Variants in CACNA1A observed in about 807,000 individuals in gnomAD.
The protein encoded by CACNA1A is calcium voltage-gated channel subunit alpha1 A, also known as voltage-dependent P/Q-type calcium channel subunit alpha-1A.
CACNA1A carries 57 observed loss-of-function variants against 262.4 expected under a neutral mutation model. That is an observed-to-expected ratio of 0.22 (90% CI 0.18 to 0.27). The LOEUF (loss-of-function observed/expected upper bound fraction) is 0.27. CACNA1A is among the 10% of genes least tolerant of loss of function. CACNA1A has a pLI of 1.00. For synonymous variants in CACNA1A, 1,431 were observed against 1,419.3 expected (o/e 1.01, Z -0.18); for missense variants, 2,526 against 3,562.8 (o/e 0.71, Z 7.41).
intron 43 of CACNA1A, chr19:13,211,777 C>T (rs1486223728): frequency 6.4e-6 from 2 of 313,616 alleles, no homozygotes; most frequent in South Asian, 4.5e-5. Context: ...CCTGTTGAAC[C>T]CTGCTGCACC....
intron 3 of CACNA1A, among the ~76,000 whole-genome samples, chr19:13,402,819 TAC>T (rs1412405375): frequency 3.0e-5 from 4 of 134,652 alleles, no homozygotes; most frequent in Non-Finnish European, 4.7e-5. Flanking sequence ...TATACATATA[TAC>T]ACACATATAT....
intron 9 of CACNA1A, among the ~76,000 whole-genome samples, chr19:13,330,938 C>T (rs10425589): frequency 0.21 from 31,849 of 151,952 alleles, 3,639 homozygotes; most frequent in African/African-American, 0.31. Context: ...AACAGTCCAC[C>T]CCTTGACCTG....
intron 1 of CACNA1A, among the ~76,000 whole-genome samples, chr19:13,464,419 C>CT (rs1568671362): frequency 1.3e-5 from 2 of 151,604 alleles, no homozygotes; most frequent in African/African-American, 4.8e-5. Flanking sequence ...TAAATACATA[C>CT]ATTTTTTTAA....
At chr19:13,393,914 C>G (rs1375558209) in intron 3 of CACNA1A, among the ~76,000 whole-genome samples, 4 of 151,526 alleles carry the variant, frequency 2.6e-5, no homozygotes, top group Non-Finnish European at 5.9e-5. Flanking sequence ...CTCCCAGATT[C>G]AAGTGATTCT....
At chr19:13,226,760 C>T (rs1031012365) in intron 37 of CACNA1A, among the ~76,000 whole-genome samples, 3 of 152,222 alleles carry the variant, frequency 2.0e-5, no homozygotes, top group African/African-American at 7.2e-5. Flanking sequence ...CAGTGTGCCA[C>T]CGTCCAGGGG....
intron 20 of CACNA1A, 42 bp downstream of exon 20, chr19:13,286,461 G>T: frequency 9.9e-7 from 1 of 1,012,408 alleles, no homozygotes; most frequent in Non-Finnish European, 1.4e-6. Context: ...CTCCAGGGAC[G>T]CCAGGTCCCC....
Position 13,241,507 on chromosome 19 carries a change from G to A in CACNA1A, c.4950+3675C>T. 1 of 1,304,986 alleles carries A rather than the reference G, an allele frequency of 7.7e-7. No individual in the cohort carries two copies. The highest frequency in any genetic ancestry group is 1.0e-6 in the Non-Finnish European group (1 of 991,788). 80.8% of individuals were successfully genotyped at this position (1,304,986 alleles called of 1,614,324 possible). On this transcript the variant is annotated intron_variant, in intron 31 of 46. Coordinates refer to ENST00000360228, the MANE Select transcript of CACNA1A (RefSeq NM_001127222.2). This position sits in a 1 kb window ranked among gnomAD's most constrained non-coding sequence, Gnocchi z 4.0. Reference sequence around the variant, plus strand: ...ATGTAAGGCATTTAGACTTCAGAAAGAAGTAAGACCAACCGGATTCTAGAT... The same window carrying A: ...ATGTAAGGCATTTAGACTTCAGAAAAAAGTAAGACCAACCGGATTCTAGAT...
intron 46 of CACNA1A, among the ~76,000 whole-genome samples, chr19:13,208,268 G>T (rs556902527): frequency 4.8e-4 from 70 of 145,176 alleles, no homozygotes; most frequent in Middle Eastern, 3.4e-3. Context: ...GGGAGGAGGG[G>T]GAGTGAGACA....
At chr19:13,414,804 TA>T (rs1272398855) in intron 3 of CACNA1A, among the ~76,000 whole-genome samples, 1 of 151,150 alleles carries the variant, frequency 6.6e-6, no homozygotes, top group African/African-American at 2.4e-5. Context: ...CCAAAAGTCC[TA>T]AAAAAAATTT....
At chr19:13,240,383 AGTGT>A (rs2056035069) in intron 31 of CACNA1A, among the ~76,000 whole-genome samples, 1 of 150,070 alleles carries the variant, frequency 6.7e-6, no homozygotes, top group Admixed American at 6.6e-5. Context: ...CTGTGTGTGC[AGTGT>A]GTGTGCATAG....
At chr19:13,354,190 C>T (rs1456408183) in intron 6 of CACNA1A, among the ~76,000 whole-genome samples, 1 of 152,184 alleles carries the variant, frequency 6.6e-6, no homozygotes, top group Non-Finnish European at 1.5e-5. Context: ...AGGTGGGAAG[C>T]CTCTGCGGTA....
At chr19:13,281,370 A>G (rs1219010717) in intron 22 of CACNA1A, among the ~76,000 whole-genome samples, 1 of 128,016 alleles carries the variant, frequency 7.8e-6, no homozygotes, top group East Asian at 2.1e-4. Flanking sequence ...AGAGAGAGAC[A>G]TTGTCTCTTA....
chr19:13,224,833 GC>G (rs1330127333), intron 37 of CACNA1A, 61 bp from the exon 38 acceptor site: 1 of 1,214,660 alleles, frequency 8.2e-7, no homozygotes, highest in Non-Finnish European at 1.2e-6. Context: ...TCTCCCGTGA[GC>G]CGCGCCCGCC....
At chr19:13,249,923 C>T (rs1471083803) in intron 30 of CACNA1A, among the ~76,000 whole-genome samples, 1 of 152,160 alleles carries the variant, frequency 6.6e-6, no homozygotes. Context: ...AGGTCACTCT[C>T]TTCAAAGGGA....
At chr19:13,423,847 T>C (rs906779174) in intron 3 of CACNA1A, among the ~76,000 whole-genome samples, 2 of 152,240 alleles carry the variant, frequency 1.3e-5, no homozygotes, top group Middle Eastern at 3.4e-3. Flanking sequence ...CGCCTGAAGT[T>C]GTGCAGCATT....
intron 3 of CACNA1A, among the ~76,000 whole-genome samples, chr19:13,447,924 G>A (rs751176122): frequency 6.6e-6 from 1 of 152,012 alleles, no homozygotes; most frequent in Non-Finnish European, 1.5e-5. Flanking sequence ...CTAGTTCACC[G>A]GCTCAAATGT....
chr19:13,461,719 T>C (rs932171134), intron 1 of CACNA1A, among the ~76,000 whole-genome samples: 1 of 152,168 alleles, frequency 6.6e-6, no homozygotes, highest in Admixed American at 6.5e-5. Context: ...GCAATGCCTC[T>C]GTTAGCTGAG....
chr19:13,262,876 C>CA (rs776496641), intron 24 of CACNA1A, 43 bp from the exon 25 acceptor site: 1 of 1,419,448 alleles, frequency 7.0e-7, no homozygotes, highest in Admixed American at 1.8e-5. Context: ...AGAGAGGAAG[C>CA]AGAGGTCAGG....
Position 13,208,877 on chromosome 19 carries a change from G to GGAT in CACNA1A, c.6656_6658dup (p.His2219dup), listed in dbSNP as rs749638821. 29 of 1,459,922 alleles carry GGAT rather than the reference G, an allele frequency of 2.0e-5. No individual in the cohort carries two copies. Among genetic ancestry groups the GGAT allele is most frequent in the Non-Finnish European group, 2.7e-5 (29 of 1,088,520 alleles). 90.4% of individuals were successfully genotyped at this position (1,459,922 alleles called of 1,614,324 possible). ...ATAGCGGTCCTTGTCGGGGGGCGGGGGATGGTGGTGGTGGTGGTGGTGGTG... is the reference window on the plus strand; with the variant it reads ...ATAGCGGTCCTTGTCGGGGGGCGGGGGATGATGGTGGTGGTGGTGGTGGTGGTG... On this transcript the variant is annotated inframe_insertion, in exon 46 of 47. Coordinates refer to ENST00000360228, the MANE Select transcript of CACNA1A (RefSeq NM_001127222.2).
Sources: allele counts gnomAD v4.1 joint callset (sites outside exome capture counted in the v4.1 genomes callset), GRCh38; gene constraint gnomAD v4.1.1; non-coding constraint Gnocchi (gnomAD v3.1); transcripts MANE v1.5; gene names NCBI Gene and HGNC (gene_info 2026-07-23, HGNC 2026-07-21).